GOLGA7B: variants seen among roughly 807,000 people sequenced by gnomAD.
GOLGA7B encodes golgin A7 family member B.
GOLGA7B carries 17 observed loss-of-function variants against 21.5 expected under a neutral mutation model. That is an observed-to-expected ratio of 0.79 (90% confidence interval 0.54 to 1.19). The LOEUF (loss-of-function observed/expected upper bound fraction) is 1.19, where lower values mean the gene tolerates loss of function less well. Ranked by LOEUF, GOLGA7B falls within the 50% of genes most tolerant of loss-of-function variation. The pLI, the probability that GOLGA7B is intolerant of heterozygous loss-of-function variation, is 0.00. For synonymous variants in GOLGA7B, 87 were observed against 84.0 expected, an observed-to-expected ratio of 1.04 and a Z score of -0.19; for missense variants, 169 against 224.4, an observed-to-expected ratio of 0.75 and a Z score of 1.58.
rs759281769 is a variant in GOLGA7B at position 97,865,633 on chromosome 10, C to CCAGCAGCGGCAG, written c.450_461dup (p.Ser151_Ser154dup). The CCAGCAGCGGCAG allele has an allele frequency of 1.2e-6, 2 of 1,612,794 alleles. No homozygotes were observed. The highest frequency in any genetic ancestry group is 1.7e-5 in the Admixed American group (1 of 59,978). On this transcript the variant is annotated inframe_insertion, in exon 5 of 5. Transcript: ENST00000370602. The stretch of plus-strand genomic sequence containing the variant: ...GAGGACCGGTGCAGCAGTGGCAGCT[C>CCAGCAGCGGCAG]CAGCAGCGGCAGCAGCAGCGGCAGT...
chr10:97,859,707 A>C (rs1373446052), intron 2 of GOLGA7B, 124 bp downstream of exon 2: 1 of 935,544 alleles, frequency 1.1e-6, no homozygotes, highest in East Asian at 2.7e-5. Flanking sequence ...ATGTTTGGCC[A>C]CTTCAAAAGG....
At position 97,850,273 on chromosome 10, in the gene GOLGA7B, C is replaced by T; in HGVS notation, c.-31C>T. 2 of 1,474,154 alleles carry T rather than the reference C, an allele frequency of 1.4e-6. No homozygotes were observed. The highest frequency in any genetic ancestry group is 1.8e-6 in the Non-Finnish European group (2 of 1,113,640). 91.3% of individuals were successfully genotyped at this position (1,474,154 alleles called of 1,614,324 possible). ...CACCGCGGAGACCCCCCTCGCCCGG[C>T]CCCGCGACAGCCTCCGAGCGCCCCC... is the stretch of plus-strand genomic sequence containing the variant. On this transcript the variant is annotated 5_prime_UTR_variant, in exon 1 of 5. Coordinates refer to ENST00000370602, the MANE Select transcript of GOLGA7B (RefSeq NM_001010917.3).
At chr10:97,850,436 T>C (rs2049898134) in intron 1 of GOLGA7B, 121 bp downstream of exon 1, 1 of 840,150 alleles carries the variant, frequency 1.2e-6, no homozygotes, top group Admixed American at 2.7e-5. Flanking sequence ...ATTCCCCAGG[T>C]CAGGTCTGGA....
intron 1 of GOLGA7B, among the ~76,000 whole-genome samples, chr10:97,850,848 T>TA (rs1378109025): frequency 6.6e-6 from 1 of 150,948 alleles, no homozygotes; most frequent in African/African-American, 2.5e-5. Flanking sequence ...CTTGCTTTTT[T>TA]ACCCCATTCG....
intron 1 of GOLGA7B, among the ~76,000 whole-genome samples, chr10:97,853,711 AGGG>A (rs2049918364): frequency 6.6e-6 from 1 of 152,204 alleles, no homozygotes. Flanking sequence ...GGAGACACCC[AGGG>A]GAAACACAGA....
At chr10:97,850,573 C>T (rs1165688587) in intron 1 of GOLGA7B, among the ~76,000 whole-genome samples, 2 of 152,332 alleles carry the variant, frequency 1.3e-5, no homozygotes, top group East Asian at 3.9e-4. Context: ...CTTCAGGGCC[C>T]CAGGCTGGGG....
At position 97,865,728 on chromosome 10, in the gene GOLGA7B, T is replaced by A; in HGVS notation, c.*28T>A. 1 of 1,582,002 alleles carries A rather than the reference T, an allele frequency of 6.3e-7. No individual in the cohort carries two copies. The highest frequency in any genetic ancestry group is 8.6e-7 in the Non-Finnish European group (1 of 1,162,504). On this transcript the variant is annotated 3_prime_UTR_variant, in exon 5 of 5. Transcript: ENST00000370602. ...GGCCGAGAGTCCCTGTAGGGAGGTG[T>A]ATGGCCGGAGTGAGGGCCTTGCAGA...
chr10:97,863,355 G>T (rs1443775338), intron 2 of GOLGA7B, among the ~76,000 whole-genome samples: 3 of 152,128 alleles, frequency 2.0e-5, no homozygotes, highest in Admixed American at 6.5e-5. Flanking sequence ...ATGGATACGG[G>T]CAGGACAGCT....
At position 97,865,936 on chromosome 10, in the gene GOLGA7B, A is replaced by T. The variant is rs1307985969; in HGVS notation, c.*236A>T. On this transcript the variant is annotated 3_prime_UTR_variant, in exon 5 of 5. Transcript: ENST00000370602. ...CTGACCTGGGGGCTTTTCCTTCCCG[A>T]TGGGGCTGGTCTGGGCCACACAGAG... 1.6e-6 allele frequency: 1 copy of T among 622,322 alleles called. No homozygotes were observed. Among genetic ancestry groups the T allele is most frequent in the Non-Finnish European group, 2.6e-6 (1 of 385,352 alleles). 38.6% of individuals were successfully genotyped at this position (622,322 alleles called of 1,614,324 possible).
At chr10:97,862,129 G>GA (rs1474448798) in intron 2 of GOLGA7B, among the ~76,000 whole-genome samples, 1 of 152,228 alleles carries the variant, frequency 6.6e-6, no homozygotes, top group African/African-American at 2.4e-5. Context: ...GTTACACAGT[G>GA]AAGAGCACAG....
At chr10:97,855,920 C>T (rs954447403) in intron 1 of GOLGA7B, among the ~76,000 whole-genome samples, 14 of 152,190 alleles carry the variant, frequency 9.2e-5, no homozygotes, top group African/African-American at 2.9e-4. Context: ...GATCACATTT[C>T]GTACATACAG....
At position 97,870,087 on chromosome 10, in the gene GOLGA7B, C is replaced by A. The variant is rs184080977; in HGVS notation, c.*4387C>A. 6.6e-6 allele frequency: 1 copy of A among 152,318 alleles called. No homozygotes were observed. Among genetic ancestry groups the A allele is most frequent in the East Asian group, 1.9e-4 (1 of 5,190 alleles). The allele number at this position is 152,318 out of a possible 1,614,324, so 9.4% of individuals were successfully genotyped here. On this transcript the variant is annotated 3_prime_UTR_variant, in exon 5 of 5. Coordinates refer to ENST00000370602, the MANE Select transcript of GOLGA7B (RefSeq NM_001010917.3). ...AGTTGTTTAGACCCGAGGCGTTCAA[C>A]CTTGGTGGCAATGGATGTCAACTGG...
In GOLGA7B at chr10:97,865,941, G is replaced by A; in HGVS notation, c.*241G>A. 1.7e-6 allele frequency: 1 copy of A among 582,498 alleles called. No individual in the cohort carries two copies. The highest frequency in any genetic ancestry group is 2.8e-6 in the Non-Finnish European group (1 of 350,906). The allele number at this position is 582,498 out of a possible 1,614,324, so 36.1% of individuals were successfully genotyped here. On this transcript the variant is annotated 3_prime_UTR_variant, in exon 5 of 5. Coordinates refer to ENST00000370602, the MANE Select transcript of GOLGA7B (RefSeq NM_001010917.3). ...CTGGGGGCTTTTCCTTCCCGATGGGGCTGGTCTGGGCCACACAGAGACAGA... is the reference window on the plus strand; with the variant it reads ...CTGGGGGCTTTTCCTTCCCGATGGGACTGGTCTGGGCCACACAGAGACAGA...
intron 1 of GOLGA7B, among the ~76,000 whole-genome samples, chr10:97,855,631 A>G (rs1028084910): frequency 6.6e-6 from 1 of 152,176 alleles, no homozygotes; most frequent in African/African-American, 2.4e-5. Flanking sequence ...CATCCTCAAG[A>G]TTGACTGACT....
intron 2 of GOLGA7B, among the ~76,000 whole-genome samples, chr10:97,862,035 T>C (rs939113070): frequency 1.3e-5 from 2 of 152,190 alleles, no homozygotes; most frequent in Non-Finnish European, 2.9e-5. Context: ...AAGAAGGTAC[T>C]GTGAAGAATG....
intron 2 of GOLGA7B, 27 bp from the exon 3 acceptor site, chr10:97,863,903 G>T: frequency 5.0e-6 from 8 of 1,594,024 alleles, no homozygotes; most frequent in Non-Finnish European, 6.8e-6. Context: ...GAGGCTAACC[G>T]CAGCCTGGCT....
chr10:97,870,578 A>G lies in GOLGA7B; in HGVS notation c.*4878A>G, dbSNP rs1337219864. 1.3e-5 allele frequency: 2 copies of G among 152,160 alleles called. No homozygotes were observed. Among genetic ancestry groups the G allele is most frequent in the African/African-American group, 4.8e-5 (2 of 41,446 alleles). The allele number at this position is 152,160 out of a possible 1,614,324, so 9.4% of individuals were successfully genotyped here. On this transcript the variant is annotated 3_prime_UTR_variant, in exon 5 of 5. Coordinates refer to ENST00000370602, the MANE Select transcript of GOLGA7B (RefSeq NM_001010917.3). ...TGAGCTGTATACTTAAGAGCTGTGT[A>G]TTTGTCTGTACTGGTGATATATTTC...
At chr10:97,855,138 A>C (rs2049927342) in intron 1 of GOLGA7B, among the ~76,000 whole-genome samples, 1 of 152,232 alleles carries the variant, frequency 6.6e-6, no homozygotes, top group African/African-American at 2.4e-5. Flanking sequence ...CAGTCGCTAG[A>C]GACACACGCC....
chr10:97,864,246 C>T lies in GOLGA7B; in HGVS notation c.370C>T (p.Pro124Ser). Residue 124 changes from proline (P) to serine (S), a missense_variant, in exon 4 of 5, where the codon CCT (proline) becomes TCT (serine). Transcript: ENST00000370602. ...FAPRGLLLTD[P>S]VERGMRVIEI... ...ACCTCGAGGCCTCCTACTTACAGACCCTGTGGAGCGTGGGATGAGGGTTGT... is the reference window on the plus strand; with the variant it reads ...ACCTCGAGGCCTCCTACTTACAGACTCTGTGGAGCGTGGGATGAGGGTTGT... 3.1e-6 allele frequency: 5 copies of T among 1,614,040 alleles called. No homozygotes were observed. The highest frequency in any genetic ancestry group is 1.3e-5 in the African/African-American group (1 of 75,042).
Sources: allele counts gnomAD v4.1 joint callset (sites outside exome capture counted in the v4.1 genomes callset), GRCh38; gene constraint gnomAD v4.1.1; transcripts MANE v1.5; gene names NCBI Gene and HGNC (gene_info 2026-07-23, HGNC 2026-07-21).